HMCN2: variants seen among roughly 807,000 people sequenced by gnomAD.
The protein encoded by HMCN2 is hemicentin 2.
Under a neutral mutation model 377.5 loss-of-function variants are expected in HMCN2, and 325 were observed. That is an observed-to-expected ratio of 0.86 (90% CI 0.79 to 0.94). HMCN2 has a LOEUF of 0.94. Ranked by LOEUF, HMCN2 falls within the 40% of genes least tolerant of loss-of-function variation. The probability of loss-of-function intolerance (pLI) is 0.00; values close to 1 mark genes in which losing one functional copy is unlikely to be tolerated. For missense variants in HMCN2, 4,543 were observed against 4,725.3 expected (o/e 0.96, Z 1.13); for synonymous variants, 2,007 against 2,046.8 (o/e 0.98, Z 0.53).
At chr9:130,333,559 G>A (rs957323361) in intron 22 of HMCN2, among the ~76,000 whole-genome samples, 8,718 of 152,250 alleles carry the variant, frequency 0.057, 429 homozygotes, top group African/African-American at 0.14. Flanking sequence ...TGGGCGCTGC[G>A]TGGAGCCATC....
rs1396483173 is a variant in HMCN2, at chr9:130,302,929, T to G, written c.1349T>G (p.Val450Gly). ...CAGCCCCTGCTGGTCTCCTGCTCGGTGCACAGTGCCCTTCCCTTCCGGCTG... is the reference window on the plus strand; with the variant it reads ...CAGCCCCTGCTGGTCTCCTGCTCGGGGCACAGTGCCCTTCCCTTCCGGCTG... Reference protein sequence around the residue: ...LHQPLLVSCSVHSALPFRLQL... With the variant: ...LHQPLLVSCSGHSALPFRLQL... The change falls in exon 9 of 98, where the codon GTG (valine) becomes GGG (glycine). Residue 450 changes from valine (V) to glycine (G), a missense_variant. Val to Gly is a moderately radical substitution (Grantham distance 109). Transcript: ENST00000683500. 1 of 470,860 alleles carries G rather than the reference T, an allele frequency of 2.1e-6. No homozygotes were observed. Among genetic ancestry groups the G allele is most frequent in the African/African-American group, 2.0e-5 (1 of 50,068 alleles). 29.2% of individuals were successfully genotyped at this position (470,860 alleles called of 1,614,324 possible). A position where few individuals can be genotyped will look rare whatever the true frequency, so the allele number is the denominator to read the frequency against.
chr9:130,379,905 C>T (rs76527099), intron 54 of HMCN2, among the ~76,000 whole-genome samples: 2 of 151,928 alleles, frequency 1.3e-5, no homozygotes, highest in African/African-American at 4.8e-5. Flanking sequence ...GACAGAGTTT[C>T]GCTCTTGTTG....
rs943812862 is a variant in HMCN2, at chr9:130,368,286, C to T, written c.6636C>T (p.Leu2212=). ...KISWRKDGQP[L]PGEGAGLQHV... is the part of the protein sequence containing the mutation. ...TTTTCCTGCACCCAGGTCAACCCCT[C>T]CCCGGGGAGGGGGCTGGCCTCCAGC... The change falls in exon 44 of 98, where the codon CTC becomes CTT. Residue 2212 remains leucine (L), a synonymous_variant. Coordinates refer to ENST00000683500, the MANE Select transcript of HMCN2 (RefSeq NM_001291815.2). 3.0e-6 allele frequency: 3 copies of T among 985,644 alleles called. No individual in the cohort carries two copies. The highest frequency in any genetic ancestry group is 3.5e-5 in the African/African-American group (2 of 57,226). The allele number at this position is 985,644 out of a possible 1,614,324, so 61.1% of individuals were successfully genotyped here.
chr9:130,316,096 G>C (rs1837547486), intron 15 of HMCN2, among the ~76,000 whole-genome samples: 1 of 152,196 alleles, frequency 6.6e-6, no homozygotes, highest in East Asian at 1.9e-4. Flanking sequence ...TGGTTCAGAG[G>C]CAGCGTGAAA....
intron 8 of HMCN2, among the ~76,000 whole-genome samples, chr9:130,300,079 C>A: frequency 6.6e-6 from 1 of 151,508 alleles, no homozygotes; most frequent in African/African-American, 2.4e-5. Context: ...ATCCACTCAC[C>A]CATCCACTCA....
intron 22 of HMCN2, among the ~76,000 whole-genome samples, chr9:130,327,797 C>G (rs1381389221): frequency 1.3e-5 from 2 of 152,174 alleles, no homozygotes; most frequent in Non-Finnish European, 2.9e-5. Flanking sequence ...GTGAGCTGCT[C>G]GCCATCACCC....
At chr9:130,354,634 G>T in intron 31 of HMCN2, 129 bp from the exon 32 acceptor site, 1 of 792,764 alleles carries the variant, frequency 1.3e-6, no homozygotes. Flanking sequence ...TCAGCCACTG[G>T]AGGTGAGGGA....
At position 130,366,445 on chromosome 9, in the gene HMCN2, AC is replaced by A. The variant is rs1840690302; in HGVS notation, c.6625+451del. Among the ~76,000 whole-genome samples, 4 of 148,810 alleles carry A rather than the reference AC, an allele frequency of 2.7e-5. No individual in the cohort carries two copies. In the South Asian group the frequency reaches 6.4e-4, roughly 24 times the overall value. On this transcript the variant is annotated intron_variant, in intron 43 of 97. Transcript: ENST00000683500. Reference sequence around the variant, plus strand: ...ATGGTACAAAAAAGATGCTCAAAAAACATTTGGAATTCACTTCACCAATTTT... The same window carrying A: ...ATGGTACAAAAAAGATGCTCAAAAAAATTTGGAATTCACTTCACCAATTTT...
intron 1 of HMCN2, among the ~76,000 whole-genome samples, chr9:130,277,371 C>G (rs1191609921): frequency 6.6e-6 from 1 of 152,246 alleles, no homozygotes; most frequent in Non-Finnish European, 1.5e-5. Context: ...GAATCTCCCT[C>G]CCTCTGCAGG....
At position 130,325,928 on chromosome 9, in the gene HMCN2, A is replaced by G. The variant is rs891064588; in HGVS notation, c.3151A>G (p.Thr1051Ala). 180 of 152,340 alleles carry G rather than the reference A, an allele frequency of 1.2e-3. 1 individual carries two copies. The South Asian group carries it at 0.012, about 10-fold the overall frequency. 9.4% of individuals were successfully genotyped at this position (152,340 alleles called of 1,614,324 possible). ...AGAYVCTATN[T>A]VGFSSQEMRL... ...GGCCTACGTCTGCACGGCCACCAAC[A>G]CCGTGGGCTTTTCTAGCCAGGAGAT... is the stretch of plus-strand genomic sequence containing the variant. The change falls in exon 21 of 98, where the codon ACC (threonine) becomes GCC (alanine). Residue 1051 changes from threonine (T) to alanine (A), a missense_variant. Physicochemically the swap from Thr to Ala is moderately conservative, Grantham distance 58. Coordinates refer to ENST00000683500, the MANE Select transcript of HMCN2 (RefSeq NM_001291815.2).
rs940432926 is a variant in HMCN2 at position 130,365,727 on chromosome 9, G to T, written c.6505G>T (p.Val2169Phe). Residue 2169 changes from valine (V) to phenylalanine (F), a missense_variant and splice_region_variant, in exon 42 of 98, where the codon GTT (valine) becomes TTT (phenylalanine). Physicochemically the swap from Val to Phe is conservative, Grantham distance 50. Coordinates refer to ENST00000683500, the MANE Select transcript of HMCN2 (RefSeq NM_001291815.2). ...SEKHYNLNVW[V>F]APVFPLRESH... ...GAAACACTACAATCTGAACGTCTGGGGTGAGGGTCTCCCAGGCTGGGCAGG... is the reference window on the plus strand; with the variant it reads ...GAAACACTACAATCTGAACGTCTGGTGTGAGGGTCTCCCAGGCTGGGCAGG... 4.3e-5 allele frequency: 42 copies of T among 985,700 alleles called. No homozygotes were observed. Among genetic ancestry groups the T allele is most frequent in the Non-Finnish European group, 4.9e-5 (41 of 829,874 alleles). The allele number at this position is 985,700 out of a possible 1,614,324, so 61.1% of individuals were successfully genotyped here.
intron 85 of HMCN2, among the ~76,000 whole-genome samples, chr9:130,412,740 C>T (rs915529600): frequency 6.6e-6 from 1 of 152,018 alleles, no homozygotes; most frequent in African/African-American, 2.4e-5. Context: ...CCACACCCGA[C>T]TAATTTTTGT....
rs1405342633 is a variant in HMCN2 at position 130,304,616 on chromosome 9, T to A, written c.1544-114T>A. The A allele has an allele frequency of 8.2e-6, 3 of 368,008 alleles. No homozygotes were observed. In the East Asian group the frequency reaches 2.2e-4, roughly 27 times the overall value. 22.8% of individuals were successfully genotyped at this position (368,008 alleles called of 1,614,324 possible). ...GCTAGCTGACATGTCCTGAATGATCTGGTTCGGGTGGGCCTGCACCTCAGG... is the reference window on the plus strand; with the variant it reads ...GCTAGCTGACATGTCCTGAATGATCAGGTTCGGGTGGGCCTGCACCTCAGG... On this transcript the variant is annotated intron_variant, in intron 10 of 97. Coordinates refer to ENST00000683500, the MANE Select transcript of HMCN2 (RefSeq NM_001291815.2). This position sits in a 1 kb window ranked among gnomAD's most constrained non-coding sequence, Gnocchi z 4.3.
At chr9:130,317,505 CT>C (rs1837626646) in intron 15 of HMCN2, among the ~76,000 whole-genome samples, 1 of 119,888 alleles carries the variant, frequency 8.3e-6, no homozygotes, top group East Asian at 2.4e-4. Flanking sequence ...CTCTCTCTCT[CT>C]TTTTTGTAGA....
intron 25 of HMCN2, among the ~76,000 whole-genome samples, chr9:130,342,776 G>T (rs925229105): frequency 4.6e-5 from 7 of 152,152 alleles, no homozygotes; most frequent in African/African-American, 1.7e-4. Flanking sequence ...GCAGCCCGGG[G>T]TCCTTGTGGG....
chr9:130,344,605 T>C (rs1839241947), intron 25 of HMCN2, among the ~76,000 whole-genome samples: 1 of 150,934 alleles, frequency 6.6e-6, no homozygotes, highest in Non-Finnish European at 1.5e-5. Flanking sequence ...TGTATGTGTA[T>C]GGTGTTGTGT....
intron 22 of HMCN2, among the ~76,000 whole-genome samples, chr9:130,334,447 G>T (rs1441187580): frequency 1.3e-5 from 2 of 151,792 alleles, no homozygotes; most frequent in African/African-American, 4.8e-5. Context: ...CTTCCTTGGT[G>T]ATGTAGCAAG....
chr9:130,411,462 C>T (rs866013291), intron 85 of HMCN2, among the ~76,000 whole-genome samples: 9 of 151,940 alleles, frequency 5.9e-5, no homozygotes, highest in Admixed American at 2.6e-4. Flanking sequence ...ATTAGCTGGG[C>T]GTGGTGGCAC....
intron 22 of HMCN2, among the ~76,000 whole-genome samples, chr9:130,336,555 C>CATGTTAGACCCAG (rs1838756773): frequency 6.6e-6 from 1 of 152,138 alleles, no homozygotes; most frequent in Non-Finnish European, 1.5e-5. Flanking sequence ...ACACAGCTAG[C>CATGTTAGACCCAG]GCATGGCCTA....
Sources: allele counts gnomAD v4.1 joint callset (sites outside exome capture counted in the v4.1 genomes callset), GRCh38; gene constraint gnomAD v4.1.1; non-coding constraint Gnocchi (gnomAD v3.1); transcripts MANE v1.5; gene names NCBI Gene and HGNC (gene_info 2026-07-23, HGNC 2026-07-21).